RIMS2: variants seen among roughly 807,000 people sequenced by gnomAD.
The protein encoded by RIMS2 is regulating synaptic membrane exocytosis 2.
RIMS2 carries 59 observed loss-of-function variants against 174.4 expected under a neutral mutation model. The ratio of observed to expected loss-of-function variants is 0.34; its 90% CI spans 0.27 to 0.42. The LOEUF is 0.42. Ranked by LOEUF, RIMS2 falls within the 10% of genes least tolerant of loss-of-function variation. The pLI is 1.00. For missense variants in RIMS2, 1,620 were observed against 1,666.3 expected (o/e 0.97, Z 0.48); for synonymous variants, 606 against 572.5 (o/e 1.06, Z -0.84).
At chr8:103,821,677 G>A (rs1312902281) in intron 3 of RIMS2, among the ~76,000 whole-genome samples, 1 of 151,248 alleles carries the variant, frequency 6.6e-6, no homozygotes. Context: ...TAGATACAAG[G>A]GTCTTTTAAA....
intron 1 of RIMS2, among the ~76,000 whole-genome samples, chr8:103,504,736 A>G (rs1215527118): frequency 2.6e-5 from 4 of 151,972 alleles, no homozygotes; most frequent in Non-Finnish European, 5.9e-5. Flanking sequence ...ATATATAGTG[A>G]GCAGTTCTCT....
chr8:103,849,903 A>G (rs2098988368), intron 3 of RIMS2, among the ~76,000 whole-genome samples: 1 of 152,058 alleles, frequency 6.6e-6, no homozygotes, highest in Admixed American at 6.6e-5. Flanking sequence ...TCTTTTGTCT[A>G]AAGAGGGAGG....
intron 19 of RIMS2, among the ~76,000 whole-genome samples, chr8:104,014,821 C>T (rs960406076): frequency 6.6e-6 from 1 of 151,860 alleles, no homozygotes; most frequent in African/African-American, 2.4e-5. Context: ...ATCTTTATTG[C>T]TCTTGCACAT....
chr8:103,809,257 T>G (rs1349405236), intron 3 of RIMS2, among the ~76,000 whole-genome samples: 3 of 152,068 alleles, frequency 2.0e-5, no homozygotes, highest in African/African-American at 7.2e-5. Context: ...TTTCTCATCT[T>G]GAATCTATTT....
chr8:103,930,438 T>C (rs1391702159), intron 11 of RIMS2, among the ~76,000 whole-genome samples: 2 of 152,200 alleles, frequency 1.3e-5, no homozygotes, highest in East Asian at 3.9e-4. Context: ...GGCCAAGATA[T>C]GGATCAGAGC....
chr8:103,848,557 C>T (rs117916540), intron 3 of RIMS2, among the ~76,000 whole-genome samples: 2,016 of 152,048 alleles, frequency 0.013, 23 homozygotes, highest in Non-Finnish European at 0.019. Context: ...CTTCTGGATT[C>T]GTGGTCACTT....
In RIMS2 at chr8:104,085,748, A is replaced by G. The variant is rs1334990311; in HGVS notation, c.3334+71133A>G. ...GAGGATACTGGGGAAGGAGGAGTCA[A>G]AGATAATTCACAACTTATCTAGGTT... On this transcript the variant is annotated intron_variant, in intron 19 of 23. Transcript: ENST00000504942. Among the ~76,000 whole-genome samples, 3 of 152,180 alleles carry G rather than the reference A, an allele frequency of 2.0e-5. No homozygotes were observed. The East Asian group carries it at 5.8e-4, about 29-fold the overall frequency.
At chr8:103,947,845 G>T (rs1462471744) in intron 14 of RIMS2, among the ~76,000 whole-genome samples, 1 of 152,066 alleles carries the variant, frequency 6.6e-6, no homozygotes, top group East Asian at 1.9e-4. Flanking sequence ...GAATTTTTCA[G>T]CTCCATCATA....
chr8:103,989,941 A>G (rs1375128917), intron 17 of RIMS2, among the ~76,000 whole-genome samples: 1 of 152,134 alleles, frequency 6.6e-6, no homozygotes, highest in Non-Finnish European at 1.5e-5. Flanking sequence ...TAAGCATCTT[A>G]AAGATTGTTT....
chr8:104,245,352 A>G (rs973390407), intron 20 of RIMS2, among the ~76,000 whole-genome samples: 4 of 152,262 alleles, frequency 2.6e-5, no homozygotes, highest in African/African-American at 9.6e-5. Context: ...TTGAAATAAT[A>G]TATAAAAGCC....
intron 3 of RIMS2, among the ~76,000 whole-genome samples, chr8:103,870,115 C>T (rs77266058): frequency 0.012 from 1,821 of 146,012 alleles, 23 homozygotes; most frequent in South Asian, 0.051. Flanking sequence ...AGCTAACAGC[C>T]GATAGCTATA....
intron 1 of RIMS2, among the ~76,000 whole-genome samples, chr8:103,664,323 A>G (rs1012641922): frequency 5.3e-5 from 8 of 152,242 alleles, no homozygotes; most frequent in African/African-American, 1.7e-4. Flanking sequence ...AAAAGAAACT[A>G]TCATCAGAGT....
At chr8:103,882,618 C>T (rs2099173216) in intron 3 of RIMS2, among the ~76,000 whole-genome samples, 1 of 151,494 alleles carries the variant, frequency 6.6e-6, no homozygotes, top group African/African-American at 2.4e-5. Context: ...CAGTACAAAT[C>T]GACATCTACA....
chr8:103,562,875 G>A (rs1055852902), intron 1 of RIMS2, among the ~76,000 whole-genome samples: 17 of 152,092 alleles, frequency 1.1e-4, no homozygotes, highest in Non-Finnish European at 1.6e-4. Flanking sequence ...CTGTGCACCC[G>A]CAGGCTCAAC....
intron 3 of RIMS2, chr8:103,819,085 C>G (rs1246009199): frequency 2.8e-6 from 1 of 357,096 alleles, no homozygotes; most frequent in Admixed American, 5.9e-5. Flanking sequence ...TACCTTGTCC[C>G]CATTTTTATT....
chr8:103,507,733 G>T (rs1436596), intron 1 of RIMS2, among the ~76,000 whole-genome samples: 9,089 of 152,082 alleles, frequency 0.06, 907 homozygotes, highest in African/African-American at 0.2. Flanking sequence ...CATTGTGATA[G>T]ATATCATTTT....
intron 1 of RIMS2, among the ~76,000 whole-genome samples, chr8:103,533,807 T>C (rs1838552832): frequency 6.6e-6 from 1 of 152,196 alleles, no homozygotes; most frequent in South Asian, 2.1e-4. Context: ...CATTGTGTTA[T>C]TTATGAGTAG....
intron 19 of RIMS2, among the ~76,000 whole-genome samples, chr8:104,065,869 G>T (rs368528837): frequency 8.1e-4 from 123 of 152,246 alleles, no homozygotes; most frequent in African/African-American, 2.7e-3. Context: ...TAAATGGTTA[G>T]AAAGCTCTAT....
At chr8:103,794,930 AAAC>A in intron 3 of RIMS2, among the ~76,000 whole-genome samples, 1 of 152,202 alleles carries the variant, frequency 6.6e-6, no homozygotes, top group East Asian at 1.9e-4. Flanking sequence ...AAAAGTCAGG[AAAC>A]AACGGGTGAT....
Sources: gnomAD v4.1 joint callset for allele counts (sites outside exome capture counted in the v4.1 genomes callset) on GRCh38, gnomAD v4.1.1 for gene constraint, MANE v1.5 for transcripts, NCBI Gene and HGNC (gene_info 2026-07-23, HGNC 2026-07-21) for gene names.